Variants in PGBD5 observed in about 807,000 individuals in gnomAD.
The protein encoded by PGBD5 is piggyBac transposable element-derived protein 5.
PGBD5 carries 14 observed loss-of-function variants against 47.9 expected under a neutral mutation model. The observed-to-expected ratio is 0.29, with a 90% confidence interval of 0.19 to 0.46. The LOEUF (loss-of-function observed/expected upper bound fraction) is 0.46, where lower values mean the gene tolerates loss of function less well. PGBD5 is among the 20% of genes least tolerant of loss of function. The pLI is 1.00. For missense variants in PGBD5, 635 were observed against 716.0 expected (o/e 0.89, Z 1.29); for synonymous variants, 316 against 306.3 (o/e 1.03, Z -0.33).
At chr1:230,393,433 C>A (rs1257662145) in intron 1 of PGBD5, among the ~76,000 whole-genome samples, 1 of 152,096 alleles carries the variant, frequency 6.6e-6, no homozygotes, top group African/African-American at 2.4e-5. Context: ...CACCATCCCA[C>A]CTTTAAGGAG....
rs79188874 is a variant in PGBD5, at chr1:230,402,103, T to A, written c.331+23495A>T. Among the ~76,000 whole-genome samples, 328 of 152,294 alleles carry A rather than the reference T, an allele frequency of 2.2e-3. 10 individuals are homozygous for A. The East Asian group carries it at 0.061, about 28-fold the overall frequency. On this transcript the variant is annotated intron_variant, in intron 1 of 6. Coordinates refer to ENST00000391860, the MANE Select transcript of PGBD5 (RefSeq NM_001258311.2). ...CCAGATGAAGCCTTTCAGGCTCAGA[T>A]TTTTCCAGTCTTTCCTTAAAAAAAA... is the stretch of plus-strand genomic sequence containing the variant.
chr1:230,358,004 A>G (rs1667682891), intron 1 of PGBD5, among the ~76,000 whole-genome samples: 1 of 152,214 alleles, frequency 6.6e-6, no homozygotes, highest in South Asian at 2.1e-4. Context: ...ACAGGCACAC[A>G]CACATATATA....
chr1:230,412,898 A>G (rs1008711979), intron 1 of PGBD5, among the ~76,000 whole-genome samples: 1 of 152,160 alleles, frequency 6.6e-6, no homozygotes, highest in East Asian at 1.9e-4. Flanking sequence ...GCAATATCAC[A>G]ACGACTAATA....
At chr1:230,342,305 T>A (rs183076212) in intron 3 of PGBD5, among the ~76,000 whole-genome samples, 27 of 152,288 alleles carry the variant, frequency 1.8e-4, no homozygotes, top group African/African-American at 6.5e-4. Flanking sequence ...TGAATGACCC[T>A]ACTTCTTTTT....
At position 230,322,010 on chromosome 1, in the gene PGBD5, T is replaced by A. The variant is rs1026036044; in HGVS notation, c.*1415A>T. On this transcript the variant is annotated 3_prime_UTR_variant, in exon 7 of 7. Coordinates refer to ENST00000391860, the MANE Select transcript of PGBD5 (RefSeq NM_001258311.2). This position sits in a 1 kb window ranked among gnomAD's most constrained non-coding sequence, Gnocchi z 5.9. The stretch of plus-strand genomic sequence containing the variant: ...CTGAGTGAGGACGAGGCCCATAGCC[T>A]GAGTAGAATAGATTCTGTATTTGTA... 6.6e-6 allele frequency: 1 copy of A among 152,284 alleles called. No individual in the cohort carries two copies. Among genetic ancestry groups the A allele is most frequent in the African/African-American group, 2.4e-5 (1 of 41,416 alleles). 9.4% of individuals were successfully genotyped at this position (152,284 alleles called of 1,614,324 possible). A position where few individuals can be genotyped will look rare whatever the true frequency, so the allele number is the denominator to read the frequency against.
rs1418273148 is a variant in PGBD5 at position 230,357,757 on chromosome 1, T to A, written c.332-436A>T. On this transcript the variant is annotated intron_variant, in intron 1 of 6. Transcript: ENST00000391860. The surrounding 1 kb of genome is among the most constrained non-coding windows in gnomAD (Gnocchi z 5.7). ...CACACTCGGGGCACAAGCCGAGTCT[T>A]AACTAGAGATGTACACACACACATA... Among the ~76,000 whole-genome samples the A allele has an allele frequency of 6.6e-6, 1 of 152,180 alleles. No individual in the cohort carries two copies. Among genetic ancestry groups the A allele is most frequent in the Non-Finnish European group, 1.5e-5 (1 of 68,034 alleles).
At chr1:230,392,503 C>G (rs1656809707) in intron 1 of PGBD5, among the ~76,000 whole-genome samples, 1 of 152,196 alleles carries the variant, frequency 6.6e-6, no homozygotes, top group South Asian at 2.1e-4. Context: ...TATAAAGCAC[C>G]CGAGCTTTGT....
chr1:230,398,838 CG>C (rs1558211494), intron 1 of PGBD5, among the ~76,000 whole-genome samples: 3 of 152,130 alleles, frequency 2.0e-5, no homozygotes, highest in Non-Finnish European at 4.4e-5. Flanking sequence ...ACTGTCACAT[CG>C]GTAAGATTCA....
At chr1:230,371,794 T>C (rs1304805331) in intron 1 of PGBD5, among the ~76,000 whole-genome samples, 1 of 152,316 alleles carries the variant, frequency 6.6e-6, no homozygotes, top group South Asian at 2.1e-4. Flanking sequence ...CTTGCACAAA[T>C]CACTCAACAT....
chr1:230,370,918 C>T (rs1484730839), intron 1 of PGBD5, among the ~76,000 whole-genome samples: 1 of 152,216 alleles, frequency 6.6e-6, no homozygotes, highest in Non-Finnish European at 1.5e-5. Flanking sequence ...CAGGCACAGA[C>T]GGAGTAGGCA....
intron 1 of PGBD5, among the ~76,000 whole-genome samples, chr1:230,377,847 C>A (rs1464501678): frequency 6.6e-6 from 1 of 152,234 alleles, no homozygotes; most frequent in Non-Finnish European, 1.5e-5. Flanking sequence ...GCATTTTGGG[C>A]ATGTGCCTCC....
In PGBD5 at chr1:230,351,090, C is replaced by T; in HGVS notation, c.762G>A (p.Val254=). Residue 254 remains valine, a splice_region_variant and synonymous_variant, in exon 3 of 7, where the codon GTG becomes GTA. Coordinates refer to ENST00000391860, the MANE Select transcript of PGBD5 (RefSeq NM_001258311.2). The part of the protein sequence containing the change: ...DSAFRPSQTQ[V]LHEPLIDEDP... ...CCTCATCGATCAGGGGTTCATGTAGCACCTGCCAGGAGGGAAAAAGCAGAG... is the reference window on the plus strand; with the variant it reads ...CCTCATCGATCAGGGGTTCATGTAGTACCTGCCAGGAGGGAAAAAGCAGAG... 1 of 1,611,662 alleles carries T rather than the reference C, an allele frequency of 6.2e-7. No homozygotes were observed. Among genetic ancestry groups the T allele is most frequent in the Non-Finnish European group, 8.5e-7 (1 of 1,178,932 alleles).
At chr1:230,333,515 C>T (rs1466775151) in intron 4 of PGBD5, among the ~76,000 whole-genome samples, 3 of 152,198 alleles carry the variant, frequency 2.0e-5, no homozygotes, top group Non-Finnish European at 2.9e-5. Context: ...CAAAGACAGG[C>T]ATGAAGCCCA....
At chr1:230,363,953 G>A (rs1667787787) in intron 1 of PGBD5, among the ~76,000 whole-genome samples, 1 of 152,216 alleles carries the variant, frequency 6.6e-6, no homozygotes, top group Admixed American at 6.5e-5. Context: ...TTCAGCTAAA[G>A]TAATCACCAT....
At position 230,334,712 on chromosome 1, in the gene PGBD5, G is replaced by A. The variant is rs189877014; in HGVS notation, c.1076-1671C>T. ...GCTGGAGGACACTACCCTCAGTCAC[G>A]GCAGAGGAGGTACATGATGACGCCC... On this transcript the variant is annotated intron_variant, in intron 4 of 6. Coordinates refer to ENST00000391860, the MANE Select transcript of PGBD5 (RefSeq NM_001258311.2). 9.1e-4 allele frequency among the ~76,000 whole-genome samples: 139 copies of A among 152,290 alleles called. 1 individual carries two copies. Among genetic ancestry groups the A allele is most frequent in the South Asian group, 5.8e-3 (28 of 4,820 alleles).
chr1:230,358,132 G>A (rs1374957153), intron 1 of PGBD5, among the ~76,000 whole-genome samples: 1 of 152,046 alleles, frequency 6.6e-6, no homozygotes, highest in African/African-American at 2.4e-5. Flanking sequence ...CCCCCAGACA[G>A]CAGTGCACAG....
chr1:230,398,515 C>T (rs78396957), intron 1 of PGBD5, among the ~76,000 whole-genome samples: 10,631 of 152,236 alleles, frequency 0.07, 475 homozygotes, highest in Non-Finnish European at 0.1. Context: ...TTTTGAAGTA[C>T]TAGGGGTTAG....
intron 1 of PGBD5, among the ~76,000 whole-genome samples, chr1:230,397,108 A>G (rs1279817366): frequency 6.6e-6 from 1 of 152,198 alleles, no homozygotes; most frequent in Admixed American, 6.5e-5. Context: ...ATGGGAATCA[A>G]GACTCCACTG....
chr1:230,404,622 A>AT (rs1272575712), intron 1 of PGBD5, among the ~76,000 whole-genome samples: 61 of 136,376 alleles, frequency 4.5e-4, no homozygotes, highest in East Asian at 1.6e-3. Flanking sequence ...AAAAAAAAAA[A>AT]AAAAAAAATA....
Sources: allele counts gnomAD v4.1 joint callset (sites outside exome capture counted in the v4.1 genomes callset), GRCh38; gene constraint gnomAD v4.1.1; non-coding constraint Gnocchi (gnomAD v3.1); transcripts MANE v1.5; gene names NCBI Gene and HGNC (gene_info 2026-07-23, HGNC 2026-07-21).